RPTOR: variants seen among roughly 807,000 people sequenced by gnomAD.
RPTOR encodes regulatory-associated protein of mTOR.
A neutral mutation model predicts 169.9 loss-of-function variants in RPTOR; 21 were observed. The observed-to-expected ratio is 0.12, with a 90% CI of 0.09 to 0.18. RPTOR has a LOEUF of 0.18. Among genes scored for constraint, RPTOR ranks in the 10% least tolerant of loss-of-function variants. The pLI, the probability that RPTOR is intolerant of heterozygous loss-of-function variation, is 1.00. For missense variants in RPTOR, 1,133 were observed against 1,855.9 expected, an observed-to-expected ratio of 0.61 and a Z score of 7.16; for synonymous variants, 732 against 753.2, an observed-to-expected ratio of 0.97 and a Z score of 0.46.
intron 3 of RPTOR, among the ~76,000 whole-genome samples, chr17:80,669,260 C>T (rs753282033): frequency 9.9e-5 from 15 of 152,258 alleles, no homozygotes; most frequent in Non-Finnish European, 1.8e-4. Flanking sequence ...CCAAATTCTT[C>T]TTCTCTTGCC....
rs574366420 is a variant in RPTOR at position 80,680,808 on chromosome 17, G to A, written c.349-27033G>A. On this transcript the variant is annotated intron_variant, in intron 3 of 33. Transcript: ENST00000306801. ...ACAGCTCCTTTGCAAGTGGTCCTGC[G>A]TGCCGAGGCAAAGATCCGCGTATAA... 4.6e-5 allele frequency among the ~76,000 whole-genome samples: 7 copies of A among 152,212 alleles called. No individual in the cohort carries two copies. The East Asian group carries it at 5.8e-4, about 13-fold the overall frequency.
intron 3 of RPTOR, among the ~76,000 whole-genome samples, chr17:80,654,435 G>A (rs994916227): frequency 1.3e-5 from 2 of 152,256 alleles, no homozygotes; most frequent in South Asian, 2.1e-4. Context: ...CAGAGAGGCC[G>A]ATCAGCTCCG....
At chr17:80,773,676 C>G (rs193131692) in intron 6 of RPTOR, 1 of 507,858 alleles carries the variant, frequency 2.0e-6, no homozygotes, top group Non-Finnish European at 2.5e-6. Flanking sequence ...TGGCTGGCTC[C>G]TAGATGTTAT....
At chr17:80,944,342 G>A (rs1015249432) in intron 25 of RPTOR, among the ~76,000 whole-genome samples, 17 of 152,174 alleles carry the variant, frequency 1.1e-4, no homozygotes, top group African/African-American at 3.4e-4. Flanking sequence ...GAGCCCTACC[G>A]AGCTTATTCT....
At chr17:80,589,850 C>G (rs1395219168) in intron 1 of RPTOR, among the ~76,000 whole-genome samples, 1 of 152,128 alleles carries the variant, frequency 6.6e-6, no homozygotes, top group Non-Finnish European at 1.5e-5. Context: ...TCATGGTCTT[C>G]TGTAAATAAT....
rs944270521 is a variant in RPTOR, at chr17:80,693,553, A to G, written c.349-14288A>G. Among the ~76,000 whole-genome samples, 8 of 152,380 alleles carry G rather than the reference A, an allele frequency of 5.3e-5. No individual in the cohort carries two copies. The South Asian group carries it at 1.0e-3, about 20-fold the overall frequency. ...TAAAGGAAAGAGTCGATGATTTTACAAATTTCACGTAACTCTGCCCTTACT... is the reference window on the plus strand; with the variant it reads ...TAAAGGAAAGAGTCGATGATTTTACGAATTTCACGTAACTCTGCCCTTACT... On this transcript the variant is annotated intron_variant, in intron 3 of 33. Transcript: ENST00000306801.
intron 28 of RPTOR, among the ~76,000 whole-genome samples, chr17:80,950,204 C>T (rs567383783): frequency 1.6e-4 from 25 of 152,358 alleles, no homozygotes; most frequent in Admixed American, 1.5e-3. Flanking sequence ...TAGGAGTCAT[C>T]GCTCTTCAGC....
At chr17:80,570,389 T>C (rs1320915380) in intron 1 of RPTOR, among the ~76,000 whole-genome samples, 21 of 152,138 alleles carry the variant, frequency 1.4e-4, no homozygotes. Flanking sequence ...AAGTGCCAGA[T>C]AGATGAATGA....
At chr17:80,607,025 C>T (rs555786645) in intron 1 of RPTOR, among the ~76,000 whole-genome samples, 25 of 152,314 alleles carry the variant, frequency 1.6e-4, no homozygotes, top group East Asian at 1.9e-4. Flanking sequence ...CACATGAAGG[C>T]GCCCACACAT....
chr17:80,552,228 C>T (rs1275789036), intron 1 of RPTOR, among the ~76,000 whole-genome samples: 1 of 152,188 alleles, frequency 6.6e-6, no homozygotes, highest in Non-Finnish European at 1.5e-5. Context: ...CCATTGGCTT[C>T]CTCTGTGCTT....
chr17:80,809,151 C>T lies in RPTOR; in HGVS notation c.891-13050C>T, dbSNP rs187429909. Among the ~76,000 whole-genome samples, 138 of 152,328 alleles carry T rather than the reference C, an allele frequency of 9.1e-4. 1 individual carries two copies. The highest frequency in any genetic ancestry group is 3.0e-3 in the African/African-American group (126 of 41,578). On this transcript the variant is annotated intron_variant, in intron 7 of 33. Transcript: ENST00000306801. ...AGTAACAACAGCGTGCCAGTTGTGG[C>T]GCATCCATGTCGACACTTGGCATTC...
intron 24 of RPTOR, among the ~76,000 whole-genome samples, chr17:80,926,677 GA>G (rs900600324): frequency 2.0e-5 from 3 of 152,134 alleles, no homozygotes; most frequent in Non-Finnish European, 2.9e-5. Flanking sequence ...TCCTTAAAAA[GA>G]AAAAATGCAA....
chr17:80,757,177 A>C (rs2066689239), intron 6 of RPTOR, among the ~76,000 whole-genome samples: 1 of 152,174 alleles, frequency 6.6e-6, no homozygotes, highest in African/African-American at 2.4e-5. Flanking sequence ...TGTTGAGAGA[A>C]CAAGAATATG....
At chr17:80,665,736 G>A (rs921280892) in intron 3 of RPTOR, among the ~76,000 whole-genome samples, 5 of 151,788 alleles carry the variant, frequency 3.3e-5, no homozygotes, top group Admixed American at 2.0e-4. Context: ...TAGTAGAGAT[G>A]GGGTTTCACC....
intron 13 of RPTOR, among the ~76,000 whole-genome samples, chr17:80,862,837 G>A (rs2067935381): frequency 1.3e-5 from 2 of 152,136 alleles, no homozygotes; most frequent in Non-Finnish European, 2.9e-5. Flanking sequence ...TGTGAAGATC[G>A]CAGAGCCTGC....
chr17:80,819,440 C>T (rs998603770), intron 7 of RPTOR, among the ~76,000 whole-genome samples: 12 of 152,234 alleles, frequency 7.9e-5, no homozygotes, highest in Non-Finnish European at 1.6e-4. Flanking sequence ...AGTTTAACTG[C>T]TTGTAGCTGC....
In RPTOR at chr17:80,646,479, C is replaced by G. The variant is rs1237688064; in HGVS notation, c.348+2669C>G. ...GAGGCCTGGCATAGATAGCGTGGCTCTCAGTGTGGGGCAGACCTCATGCTG... is the reference window on the plus strand; with the variant it reads ...GAGGCCTGGCATAGATAGCGTGGCTGTCAGTGTGGGGCAGACCTCATGCTG... On this transcript the variant is annotated intron_variant, in intron 3 of 33. Coordinates refer to ENST00000306801, the MANE Select transcript of RPTOR (RefSeq NM_020761.3). The surrounding 1 kb of genome is among the most constrained non-coding windows in gnomAD (Gnocchi z 5.0). Among the ~76,000 whole-genome samples the G allele has an allele frequency of 3.9e-5, 6 of 152,188 alleles. No individual in the cohort carries two copies. Among genetic ancestry groups the G allele is most frequent in the Non-Finnish European group, 5.9e-5 (4 of 68,040 alleles).
At chr17:80,618,616 G>T (rs926254041) in intron 1 of RPTOR, among the ~76,000 whole-genome samples, 1 of 152,188 alleles carries the variant, frequency 6.6e-6, no homozygotes, top group Admixed American at 6.5e-5. Flanking sequence ...TTCTACAGGG[G>T]TGGAGGCAGA....
intron 1 of RPTOR, among the ~76,000 whole-genome samples, chr17:80,587,814 G>A (rs2065074175): frequency 6.7e-6 from 1 of 149,386 alleles, no homozygotes; most frequent in South Asian, 2.1e-4. Flanking sequence ...CAATCTCTTT[G>A]CAATTTTAAA....
Sources: allele counts gnomAD v4.1 joint callset (sites outside exome capture counted in the v4.1 genomes callset), GRCh38; gene constraint gnomAD v4.1.1; non-coding constraint Gnocchi (gnomAD v3.1); transcripts MANE v1.5; gene names NCBI Gene and HGNC (gene_info 2026-07-23, HGNC 2026-07-21).